Variants in ABCA13 observed in about 807,000 individuals in gnomAD.
ABCA13 encodes the protein ATP binding cassette subfamily A member 13.
A neutral mutation model predicts 478.7 loss-of-function variants in ABCA13; 476 were observed. The observed-to-expected ratio is 0.99, with a 90% CI of 0.92 to 1.07. The LOEUF (loss-of-function observed/expected upper bound fraction) is 1.07, where lower values mean the gene tolerates loss of function less well. ABCA13 is among the 50% of genes least tolerant of loss of function. ABCA13 has a pLI of 0.00. For synonymous variants in ABCA13, 2,252 were observed against 2,158.9 expected (o/e 1.04, Z -1.20); for missense variants, 6,060 against 5,910.6 (o/e 1.03, Z -0.83).
At chr7:48,444,218 A>G (rs1044193860) in intron 42 of ABCA13, among the ~76,000 whole-genome samples, 32 of 152,176 alleles carry the variant, frequency 2.1e-4, no homozygotes, top group Admixed American at 2.6e-4. Context: ...CATAAGAGAA[A>G]CAAAACCCTT....
At chr7:48,210,802 A>G (rs961541543) in intron 3 of ABCA13, among the ~76,000 whole-genome samples, 2 of 152,278 alleles carry the variant, frequency 1.3e-5, no homozygotes, top group African/African-American at 4.8e-5. Context: ...AAAAAGAAGA[A>G]TGCAGATTCT....
chr7:48,402,192 A>G (rs1045193217), intron 38 of ABCA13, among the ~76,000 whole-genome samples: 2 of 152,196 alleles, frequency 1.3e-5, no homozygotes, highest in African/African-American at 2.4e-5. Flanking sequence ...AGTAGTACCA[A>G]TGGAAGAAAT....
chr7:48,239,674 G>C (rs930984647), intron 9 of ABCA13, among the ~76,000 whole-genome samples: 5 of 152,200 alleles, frequency 3.3e-5, no homozygotes, highest in African/African-American at 1.2e-4. Flanking sequence ...GAAGTTCCTA[G>C]ACCCATGCTC....
chr7:48,599,659 C>T (rs544373187), intron 58 of ABCA13, among the ~76,000 whole-genome samples: 8 of 152,228 alleles, frequency 5.3e-5, no homozygotes, highest in Admixed American at 1.3e-4. Context: ...TTTTGCAAGT[C>T]GTATGGTGTG....
chr7:48,199,281 A>G (rs1798343541), intron 3 of ABCA13, among the ~76,000 whole-genome samples: 1 of 152,218 alleles, frequency 6.6e-6, no homozygotes, highest in African/African-American at 2.4e-5. Context: ...CTATAATGAA[A>G]TACCATAAAC....
rs1796617053 is a variant in ABCA13, at chr7:48,278,695, A to G, written c.7501A>G (p.Thr2501Ala). The G allele has an allele frequency of 1.2e-6, 2 of 1,613,714 alleles. No individual in the cohort carries two copies. Among genetic ancestry groups the G allele is most frequent in the Non-Finnish European group, 1.7e-6 (2 of 1,179,782 alleles). Residue 2501 changes from threonine (T) to alanine (A), a missense_variant, in exon 18 of 62, where the codon ACT (threonine) becomes GCT (alanine). Thr to Ala is a moderately conservative substitution (Grantham distance 58, BLOSUM62 0). This residue lies in a region of ABCA13 where 4,423 missense variants were observed against 4,309.1 expected (regional missense o/e 1.03). Coordinates refer to ENST00000435803, the MANE Select transcript of ABCA13 (RefSeq NM_152701.5). ...VLKPLLEMSG[T>A]LVMLLNDSAD... ...GAAACCCCTCTTAGAAATGTCTGGG[A>G]CTCTGGTCATGCTGTTGAATGACAG... is the stretch of plus-strand genomic sequence containing the variant.
At chr7:48,180,616 G>A (rs1795554206) in intron 1 of ABCA13, among the ~76,000 whole-genome samples, 2 of 151,936 alleles carry the variant, frequency 1.3e-5, no homozygotes, top group Middle Eastern at 3.4e-3. Flanking sequence ...TAGTAGAGAT[G>A]GGGTTTCACC....
intron 23 of ABCA13, among the ~76,000 whole-genome samples, chr7:48,304,775 T>C (rs1001560778): frequency 6.6e-6 from 1 of 152,100 alleles, no homozygotes; most frequent in African/African-American, 2.4e-5. Context: ...TAAAATAAAA[T>C]TTGAGAAAAA....
chr7:48,172,797 C>CAA lies in ABCA13; in HGVS notation c.69+1282_69+1283dup, dbSNP rs36196847. Among the ~76,000 whole-genome samples, 193 of 75,540 alleles carry CAA rather than the reference C, an allele frequency of 2.6e-3. 29 individuals are homozygous for CAA. The highest frequency in any genetic ancestry group is 9.7e-3 in the African/African-American group (181 of 18,614). The allele number at this position is 75,540 out of a possible 152,430, so 49.6% of individuals were successfully genotyped here. On this transcript the variant is annotated intron_variant, in intron 1 of 61. Coordinates refer to ENST00000435803, the MANE Select transcript of ABCA13 (RefSeq NM_152701.5). ...TGGGCGACAGAGCGAGACTCCGTCT[C>CAA]AAAAAAAAAAAAAAAAAAAAAAAAA...
intron 39 of ABCA13, among the ~76,000 whole-genome samples, chr7:48,410,093 C>CAA (rs58724216): frequency 0.027 from 1,788 of 67,114 alleles, 84 homozygotes; most frequent in African/African-American, 0.097. Context: ...GACTCCATCT[C>CAA]AAAAAAAAAA....
intron 55 of ABCA13, among the ~76,000 whole-genome samples, chr7:48,558,353 A>G (rs759307324): frequency 1.7e-4 from 25 of 150,382 alleles, no homozygotes; most frequent in Non-Finnish European, 3.1e-4. Flanking sequence ...TTGGAGTGCA[A>G]TGGCGCAATC....
At chr7:48,637,265 C>T (rs1794714601) in intron 59 of ABCA13, among the ~76,000 whole-genome samples, 1 of 151,458 alleles carries the variant, frequency 6.6e-6, no homozygotes, top group Non-Finnish European at 1.5e-5. Context: ...GTGTTTTCCT[C>T]CTCAGGTCTC....
At chr7:48,309,883 C>A in intron 23 of ABCA13, 64 bp from the exon 24 acceptor site, 3 of 1,577,702 alleles carry the variant, frequency 1.9e-6, no homozygotes, top group Non-Finnish European at 1.7e-6. Flanking sequence ...AAGCTCCGGT[C>A]TGAGGTGGTG....
intron 10 of ABCA13, among the ~76,000 whole-genome samples, chr7:48,241,832 C>G (rs1028708240): frequency 6.6e-6 from 1 of 152,212 alleles, no homozygotes; most frequent in African/African-American, 2.4e-5. Flanking sequence ...CTAAACACTT[C>G]CAGTTCTTTC....
intron 48 of ABCA13, among the ~76,000 whole-genome samples, chr7:48,500,168 C>T (rs1830618642): frequency 1.3e-5 from 2 of 152,212 alleles, no homozygotes; most frequent in Admixed American, 6.5e-5. Context: ...TCCATCACGT[C>T]TCGTAGGATT....
Position 48,271,957 on chromosome 7 carries a change from C to G in ABCA13, c.2291C>G (p.Thr764Arg), listed in dbSNP as rs1795669619. 1.2e-6 allele frequency: 2 copies of G among 1,613,510 alleles called. No individual in the cohort carries two copies. The highest frequency in any genetic ancestry group is 8.5e-7 in the Non-Finnish European group (1 of 1,179,728). The change falls in exon 17 of 62, where the codon ACA (threonine) becomes AGA (arginine). Residue 764 changes from threonine to arginine, a missense_variant. Around this residue, in one of 3 missense-constraint regions of ABCA13, gnomAD observed 4,423 missense variants for 4,309.1 expected, o/e 1.03. Transcript: ENST00000435803. ...AGTTTCCACAGCCTCCCATCTCTCA[C>G]AGAGGATATTCTGAATATAAGTTCT... The part of the protein sequence containing the change: ...VPSFHSLPSL[T>R]EDILNISSLW...
intron 27 of ABCA13, among the ~76,000 whole-genome samples, chr7:48,318,460 C>T (rs369127601): frequency 4.0e-5 from 6 of 151,498 alleles, no homozygotes; most frequent in Non-Finnish European, 7.4e-5. Context: ...CTCAGTCTCC[C>T]GAAGTGCTGA....
chr7:48,285,787 G>A (rs1391396211), intron 19 of ABCA13, among the ~76,000 whole-genome samples: 4 of 152,142 alleles, frequency 2.6e-5, no homozygotes, highest in African/African-American at 9.7e-5. Context: ...TATGCTTAAA[G>A]ATAAGTGCTG....
chr7:48,455,817 G>T (rs752230833), intron 43 of ABCA13, among the ~76,000 whole-genome samples: 5 of 152,192 alleles, frequency 3.3e-5, no homozygotes, highest in Non-Finnish European at 7.3e-5. Flanking sequence ...ATCTGTTGCC[G>T]GTGCGTTCAG....
Sources: gnomAD v4.1 joint callset for allele counts (sites outside exome capture counted in the v4.1 genomes callset) on GRCh38, gnomAD v4.1.1 for gene constraint, gnomAD v4.1.1 regional missense constraint, MANE v1.5 for transcripts, NCBI Gene and HGNC (gene_info 2026-07-23, HGNC 2026-07-21) for gene names.